The following PDE1A variants were observed in gnomAD, a reference collection of about 807,000 sequenced individuals.
PDE1A encodes the protein dual specificity calcium/calmodulin-dependent 3',5'-cyclic nucleotide phosphodiesterase 1A.
In PDE1A, 35 loss-of-function variants were observed where a neutral mutation model predicts 61.7. That is an observed-to-expected ratio of 0.57 (90% confidence interval 0.43 to 0.75). The LOEUF is 0.75. Ranked by LOEUF, PDE1A falls within the 30% of genes least tolerant of loss-of-function variation. PDE1A has a pLI of 0.00. For synonymous variants in PDE1A, 232 were observed against 213.2 expected (o/e 1.09, Z -0.77); for missense variants, 597 against 630.6 (o/e 0.95, Z 0.57).
intron 13 of PDE1A, among the ~76,000 whole-genome samples, chr2:182,178,994 A>G (rs1168109517): frequency 6.6e-6 from 1 of 152,176 alleles, no homozygotes; most frequent in Non-Finnish European, 1.5e-5. Flanking sequence ...ATTAGTCCCC[A>G]GGGACTGCAA....
At chr2:182,173,605 CATG>C (rs1214919561) in intron 13 of PDE1A, among the ~76,000 whole-genome samples, 6 of 151,574 alleles carry the variant, frequency 4.0e-5, no homozygotes, top group African/African-American at 7.2e-5. Flanking sequence ...AAATTACTAA[CATG>C]ATCTCATTTA....
the PDE1A span, among the ~76,000 whole-genome samples, chr2:182,545,067 T>C: frequency 6.6e-6 from 1 of 152,214 alleles, no homozygotes; most frequent in Admixed American, 6.5e-5. Flanking sequence ...GCTTAGTTAT[T>C]AGATGTGCCA....
chr2:182,386,628 G>A (rs926466166), intron 1 of PDE1A, among the ~76,000 whole-genome samples: 1 of 151,198 alleles, frequency 6.6e-6, no homozygotes, highest in Admixed American at 6.6e-5. Context: ...CATCTGAGAA[G>A]CGAGGAGCCC....
In PDE1A at chr2:182,406,170, C is replaced by G. The variant is rs367748776; in HGVS notation, c.53+20408G>C. Among the ~76,000 whole-genome samples, 43 of 151,940 alleles carry G rather than the reference C, an allele frequency of 2.8e-4. No individual in the cohort carries two copies. The East Asian group carries it at 3.9e-3, about 14-fold the overall frequency. On this transcript the variant is annotated intron_variant, in intron 1 of 13. Coordinates refer to ENST00000351439, the Ensembl canonical transcript of PDE1A. ...TGTATATAGCTCTATTATTATTATT[C>G]CCATTTTACAGATGAAATAAAAGTT...
downstream of PDE1A, among the ~76,000 whole-genome samples, chr2:182,163,697 G>A (rs1190691680): frequency 6.6e-6 from 1 of 152,104 alleles, no homozygotes; most frequent in Non-Finnish European, 1.5e-5. Flanking sequence ...GGACCTATTT[G>A]GATTATAAAG....
chr2:182,237,032 C>T (rs958102675), intron 3 of PDE1A, among the ~76,000 whole-genome samples: 1 of 152,136 alleles, frequency 6.6e-6, no homozygotes, highest in Admixed American at 6.5e-5. Flanking sequence ...TATCTTAACC[C>T]AGTTGTCTCA....
intron 1 of PDE1A, among the ~76,000 whole-genome samples, chr2:182,386,983 G>A (rs1270802786): frequency 6.6e-6 from 1 of 152,250 alleles, no homozygotes; most frequent in Non-Finnish European, 1.5e-5. Flanking sequence ...AGAAAAGGGG[G>A]AAAGGTGGGG....
intron 1 of PDE1A, among the ~76,000 whole-genome samples, chr2:182,377,043 G>T (rs1209239139): frequency 6.6e-6 from 1 of 152,154 alleles, no homozygotes; most frequent in Non-Finnish European, 1.5e-5. Flanking sequence ...GATGAGATTT[G>T]GGTGGGGACA....
the PDE1A span, among the ~76,000 whole-genome samples, chr2:182,663,043 A>G: frequency 0.015 from 2,347 of 152,306 alleles, 32 homozygotes; most frequent in East Asian, 0.078. Context: ...CACTTCTCAA[A>G]TGAAGACATT....
chr2:182,716,203 T>A, the PDE1A span: 1 of 152,302 alleles, frequency 6.6e-6, no homozygotes, highest in African/African-American at 2.4e-5. Flanking sequence ...GCAGCGGGTC[T>A]CCCCAGGCAG....
intron 2 of PDE1A, among the ~76,000 whole-genome samples, chr2:182,483,920 G>C (rs1307785652): frequency 6.6e-6 from 1 of 151,744 alleles, no homozygotes; most frequent in Non-Finnish European, 1.5e-5. Flanking sequence ...AAGAATGAAA[G>C]AGTAGACATC....
At chr2:182,142,747 C>T (rs1264746871), downstream of PDE1A, 1 of 152,010 alleles carries the variant, frequency 6.6e-6, no homozygotes, top group Non-Finnish European at 1.5e-5. Flanking sequence ...TGACAGGGTT[C>T]AAAGCAAGAA....
intron 2 of PDE1A, among the ~76,000 whole-genome samples, chr2:182,493,033 T>C (rs1574791089): frequency 6.6e-6 from 1 of 151,950 alleles, no homozygotes; most frequent in Admixed American, 6.6e-5. Context: ...ACACTTCTTT[T>C]ATTGCATAAA....
At chr2:182,607,187 G>A in the PDE1A span, among the ~76,000 whole-genome samples, 2 of 152,216 alleles carry the variant, frequency 1.3e-5, no homozygotes, top group African/African-American at 4.8e-5. Flanking sequence ...GTAAGTTTCA[G>A]TTCCTTGATA....
At chr2:182,244,757 G>A (rs1299871029) in intron 2 of PDE1A, among the ~76,000 whole-genome samples, 1 of 151,878 alleles carries the variant, frequency 6.6e-6, no homozygotes, top group East Asian at 1.9e-4. Flanking sequence ...TTTGAAAATT[G>A]TTCATTCTTG....
intron 1 of PDE1A, among the ~76,000 whole-genome samples, chr2:182,330,731 T>C (rs1033310388): frequency 6.6e-6 from 1 of 152,128 alleles, no homozygotes; most frequent in Admixed American, 6.6e-5. Context: ...AACATAGTCA[T>C]CTGATTTTAG....
downstream of PDE1A, among the ~76,000 whole-genome samples, chr2:182,167,025 A>G (rs1220625111): frequency 6.6e-6 from 1 of 152,128 alleles, no homozygotes; most frequent in Non-Finnish European, 1.5e-5. Flanking sequence ...TTCAAATCCA[A>G]CAAAAACAGT....
intron 1 of PDE1A, among the ~76,000 whole-genome samples, chr2:182,338,313 C>G (rs141029801): frequency 6.6e-6 from 1 of 152,216 alleles, no homozygotes; most frequent in African/African-American, 2.4e-5. Flanking sequence ...ATATCACTCA[C>G]TTCACAGGGA....
In PDE1A at chr2:182,212,019, G is replaced by GC. The variant is rs1318718241; in HGVS notation, c.777-5955_777-5954insG. On this transcript the variant is annotated intron_variant, in intron 7 of 13. Transcript: ENST00000351439. ...TCCTTTTTCTAGTTGTATTGCATTA[G>GC]TATTGCATACTTCCAGTATGATACA... Among the ~76,000 whole-genome samples the GC allele has an allele frequency of 3.4e-3, 514 of 152,036 alleles. 2 individuals carry two copies. Among genetic ancestry groups the GC allele is most frequent in the African/African-American group, 0.012 (500 of 41,490 alleles).
Sources: gnomAD v4.1 joint callset for allele counts (sites outside exome capture counted in the v4.1 genomes callset) on GRCh38, gnomAD v4.1.1 for gene constraint, MANE v1.5 for transcripts, NCBI Gene and HGNC (gene_info 2026-07-23, HGNC 2026-07-21) for gene names.